Variants in ARHGEF12 observed in about 807,000 individuals in gnomAD.
The protein encoded by ARHGEF12 is KMT2A/ARHGEF12 fusion protein.
ARHGEF12 carries 66 observed loss-of-function variants against 211.2 expected under a neutral mutation model. The ratio of observed to expected loss-of-function variants is 0.31; its 90% CI spans 0.26 to 0.38. The LOEUF (loss-of-function observed/expected upper bound fraction) is 0.38. ARHGEF12 is among the 10% of genes least tolerant of loss of function. The pLI is 1.00. For missense variants in ARHGEF12, 1,429 were observed against 1,869.5 expected, an observed-to-expected ratio of 0.76 and a Z score of 4.34; for synonymous variants, 592 against 638.4, an observed-to-expected ratio of 0.93 and a Z score of 1.09.
intron 36 of ARHGEF12, 89 bp downstream of exon 36, chr11:120,477,615 A>T: frequency 7.7e-7 from 1 of 1,298,084 alleles, no homozygotes; most frequent in Non-Finnish European, 1.1e-6. Flanking sequence ...CTGTAATCCC[A>T]GTGCTTTGGG....
intron 1 of ARHGEF12, among the ~76,000 whole-genome samples, chr11:120,378,189 G>A (rs544074290): frequency 2.9e-4 from 44 of 152,318 alleles, no homozygotes; most frequent in African/African-American, 1.0e-3. Flanking sequence ...GGTAGTATCA[G>A]TCTTTTTAAT....
At chr11:120,406,617 G>A (rs1327990945) in intron 2 of ARHGEF12, among the ~76,000 whole-genome samples, 1 of 152,044 alleles carries the variant, frequency 6.6e-6, no homozygotes, top group Non-Finnish European at 1.5e-5. Context: ...GGAGTGCAGT[G>A]GCGCGATCTC....
chr11:120,339,822 C>T (rs1942475957), intron 1 of ARHGEF12, among the ~76,000 whole-genome samples: 1 of 152,168 alleles, frequency 6.6e-6, no homozygotes, highest in Admixed American at 6.6e-5. Context: ...TCTGATTGGT[C>T]ACTTTGGATA....
chr11:120,428,473 C>T (rs1945420878), intron 8 of ARHGEF12, among the ~76,000 whole-genome samples: 1 of 152,114 alleles, frequency 6.6e-6, no homozygotes, highest in Non-Finnish European at 1.5e-5. Flanking sequence ...GTGTGCCACC[C>T]ACAGAAATAT....
chr11:120,364,384 C>G (rs977911410), intron 1 of ARHGEF12, among the ~76,000 whole-genome samples: 4 of 152,108 alleles, frequency 2.6e-5, no homozygotes, highest in Non-Finnish European at 4.4e-5. Context: ...TTTAAACTTA[C>G]AGAAAATAAT....
At chr11:120,469,219 C>T in intron 29 of ARHGEF12, 69 bp from the exon 30 acceptor site, 2 of 1,171,152 alleles carry the variant, frequency 1.7e-6, no homozygotes, top group Non-Finnish European at 1.2e-6. Context: ...GAAATGAAAT[C>T]TCATTTACAT....
rs376404528 is a variant in ARHGEF12 at position 120,367,023 on chromosome 11, AAAAG to A, written c.32+29752_32+29755del. ...AGAGTGAGACTCCATCTAAAAAAAA[AAAAG>A]AAATTTAATAAGTCACTGCTACACT... On this transcript the variant is annotated intron_variant, in intron 1 of 40. Coordinates refer to ENST00000397843, the MANE Select transcript of ARHGEF12 (RefSeq NM_015313.3). Among the ~76,000 whole-genome samples, 35 of 152,254 alleles carry A rather than the reference AAAAG, an allele frequency of 2.3e-4. No homozygotes were observed. In the East Asian group the frequency reaches 5.4e-3, roughly 24 times the overall value.
intron 15 of ARHGEF12, among the ~76,000 whole-genome samples, chr11:120,443,084 C>T (rs1003154953): frequency 6.0e-5 from 9 of 149,496 alleles, no homozygotes; most frequent in African/African-American, 1.7e-4. Flanking sequence ...CACAGTGGCA[C>T]GATTGCACCT....
intron 1 of ARHGEF12, among the ~76,000 whole-genome samples, chr11:120,390,222 C>T (rs1204306007): frequency 1.3e-5 from 2 of 152,100 alleles, no homozygotes; most frequent in Non-Finnish European, 2.9e-5. Flanking sequence ...TCAAAGCCTA[C>T]CAGACTTCCT....
At chr11:120,474,525 A>C in intron 31 of ARHGEF12, 35 bp from the exon 32 acceptor site, 1 of 1,514,182 alleles carries the variant, frequency 6.6e-7, no homozygotes, top group Non-Finnish European at 9.1e-7. Flanking sequence ...GAGTGCTTGG[A>C]AATTATTTGT....
At chr11:120,433,887 G>T (rs1945618933) in intron 11 of ARHGEF12, among the ~76,000 whole-genome samples, 1 of 152,140 alleles carries the variant, frequency 6.6e-6, no homozygotes, top group Non-Finnish European at 1.5e-5. Flanking sequence ...GAACCAGGGA[G>T]GCGGAGGTTG....
chr11:120,476,797 C>A, intron 34 of ARHGEF12, 49 bp downstream of exon 34: 1 of 1,409,672 alleles, frequency 7.1e-7, no homozygotes, highest in Non-Finnish European at 9.9e-7. Context: ...TTTCATTATC[C>A]CAAGCGTAAT....
chr11:120,380,540 G>A (rs1943849365), intron 1 of ARHGEF12, among the ~76,000 whole-genome samples: 1 of 152,156 alleles, frequency 6.6e-6, no homozygotes, highest in Admixed American at 6.5e-5. Flanking sequence ...GTCTGCGTTT[G>A]CTGCTGTTGC....
intron 6 of ARHGEF12, among the ~76,000 whole-genome samples, chr11:120,422,838 A>G (rs1394315367): frequency 2.6e-5 from 4 of 152,216 alleles, no homozygotes; most frequent in African/African-American, 9.6e-5. Context: ...ATATAGACCT[A>G]CCAGTGGAAC....
chr11:120,339,660 T>G lies in ARHGEF12; in HGVS notation c.32+2385T>G, dbSNP rs574886330. Reference sequence around the variant, plus strand: ...TTGTGGTGCTTCTGACTACAGAGTCTGTCTGTCCTCAGTTGAAATCAGACT... The same window carrying G: ...TTGTGGTGCTTCTGACTACAGAGTCGGTCTGTCCTCAGTTGAAATCAGACT... On this transcript the variant is annotated intron_variant, in intron 1 of 40. Transcript: ENST00000397843. Among the ~76,000 whole-genome samples the G allele has an allele frequency of 6.5e-4, 99 of 152,366 alleles. 1 individual carries two copies. Among genetic ancestry groups the G allele is most frequent in the Admixed American group, 1.1e-3 (17 of 15,304 alleles).
chr11:120,374,189 C>G (rs1010021454), intron 1 of ARHGEF12, among the ~76,000 whole-genome samples: 11 of 152,120 alleles, frequency 7.2e-5, no homozygotes, highest in Admixed American at 4.6e-4. Flanking sequence ...CCTCCTGTTT[C>G]CTTTCCCTAT....
chr11:120,420,537 A>G (rs1038637307), intron 4 of ARHGEF12, among the ~76,000 whole-genome samples: 1 of 152,204 alleles, frequency 6.6e-6, no homozygotes, highest in Non-Finnish European at 1.5e-5. Flanking sequence ...CAATTCTATT[A>G]TACTCCGCCA....
intron 26 of ARHGEF12, among the ~76,000 whole-genome samples, chr11:120,460,439 G>T (rs931010770): frequency 6.6e-6 from 1 of 152,206 alleles, no homozygotes; most frequent in Non-Finnish European, 1.5e-5. Context: ...CACCGTGTAT[G>T]TAATGTGCTA....
chr11:120,385,632 T>A, intron 1 of ARHGEF12: 1 of 397,960 alleles, frequency 2.5e-6, no homozygotes, highest in Non-Finnish European at 3.4e-6. Context: ...TTATTATTTC[T>A]CACAACAGCT....
Sources: allele counts gnomAD v4.1 joint callset (sites outside exome capture counted in the v4.1 genomes callset), GRCh38; gene constraint gnomAD v4.1.1; transcripts MANE v1.5; gene names NCBI Gene and HGNC (gene_info 2026-07-23, HGNC 2026-07-21).